FAT3: variants seen among roughly 807,000 people sequenced by gnomAD.
FAT3 encodes protocadherin Fat 3.
Under a neutral mutation model 310.2 loss-of-function variants are expected in FAT3, and 95 were observed. The observed-to-expected ratio is 0.31, with a 90% CI of 0.26 to 0.36. The LOEUF is 0.36. Ranked by LOEUF, FAT3 falls within the 10% of genes least tolerant of loss-of-function variation. FAT3 has a pLI of 1.00. For missense variants in FAT3, 5,408 were observed against 5,715.6 expected (o/e 0.95, Z 1.74); for synonymous variants, 2,314 against 2,192.9 (o/e 1.06, Z -1.54).
intron 2 of FAT3, among the ~76,000 whole-genome samples, chr11:92,500,215 T>A (rs1303649519): frequency 6.6e-6 from 1 of 152,018 alleles, no homozygotes; most frequent in East Asian, 1.9e-4. Flanking sequence ...TATTTTTCCC[T>A]TTAAGGATGA....
At chr11:92,565,545 GCAT>G (rs888963636) in intron 3 of FAT3, among the ~76,000 whole-genome samples, 6 of 151,034 alleles carry the variant, frequency 4.0e-5, no homozygotes, top group African/African-American at 1.5e-4. Context: ...TATGAGGCCA[GCAT>G]CATCCTGATA....
intron 3 of FAT3, among the ~76,000 whole-genome samples, chr11:92,622,802 T>C (rs1370552673): frequency 1.3e-5 from 2 of 152,208 alleles, no homozygotes; most frequent in Non-Finnish European, 2.9e-5. Flanking sequence ...TTAAAAAGAA[T>C]TTAAATCTTC....
chr11:92,622,476 A>G lies in FAT3; in HGVS notation c.3608-74908A>G, dbSNP rs189723514. The stretch of plus-strand genomic sequence containing the variant: ...ACTGTGTTTGTACAAGCAAATAGAG[A>G]GACAGAGGGTGAGATCATTGTTGAG... On this transcript the variant is annotated intron_variant, in intron 3 of 27. Transcript: ENST00000525166. Among the ~76,000 whole-genome samples the G allele has an allele frequency of 3.0e-4, 46 of 152,318 alleles. No homozygotes were observed. The East Asian group carries it at 6.4e-3, about 21-fold the overall frequency.
chr11:92,706,959 C>G (rs1433637098), intron 4 of FAT3, among the ~76,000 whole-genome samples: 1 of 152,164 alleles, frequency 6.6e-6, no homozygotes, highest in Non-Finnish European at 1.5e-5. Context: ...TTTGGGGTAC[C>G]TCAAGTTGTG....
chr11:92,375,217 T>A (rs1949308692), intron 2 of FAT3, among the ~76,000 whole-genome samples: 1 of 152,060 alleles, frequency 6.6e-6, no homozygotes, highest in South Asian at 2.1e-4. Context: ...TACAGCAGCC[T>A]CCAACTCCTG....
chr11:92,795,415 A>T (rs1279907472), intron 9 of FAT3, among the ~76,000 whole-genome samples: 1 of 152,080 alleles, frequency 6.6e-6, no homozygotes, highest in Non-Finnish European at 1.5e-5. Context: ...GAGGCCATAG[A>T]TTCCAAAAAA....
intron 3 of FAT3, among the ~76,000 whole-genome samples, chr11:92,603,812 G>C (rs747956897): frequency 5.3e-5 from 8 of 152,178 alleles, no homozygotes; most frequent in Non-Finnish European, 1.0e-4. Flanking sequence ...ACAACAACTT[G>C]TGCTTTTAAA....
At position 92,844,260 on chromosome 11, in the gene FAT3, T is replaced by A. The variant is rs759759654; in HGVS notation, c.10893T>A (p.Ile3631=). 6.2e-7 allele frequency: 1 copy of A among 1,613,976 alleles called. No individual in the cohort carries two copies. Among genetic ancestry groups the A allele is most frequent in the Admixed American group, 1.7e-5 (1 of 60,026 alleles). The change falls in exon 19 of 28, where the codon ATT becomes ATA. Residue 3631 remains isoleucine (I), a synonymous_variant. Coordinates refer to ENST00000525166, the MANE Select transcript of FAT3 (RefSeq NM_001367949.2). Reference sequence around the variant, plus strand: ...GTGATGGTCGCTTCCAGGTACCCATTGATGTGGTCGTGCATGTGGAGCAGT... The same window carrying A: ...GTGATGGTCGCTTCCAGGTACCCATAGATGTGGTCGTGCATGTGGAGCAGT... The part of the protein sequence containing the change: ...SVSDGRFQVP[I]DVVVHVEQLV...
chr11:92,753,773 GGTGTGT>G (rs145467493), intron 4 of FAT3, among the ~76,000 whole-genome samples: 3 of 128,232 alleles, frequency 2.3e-5, no homozygotes, highest in South Asian at 2.4e-4. Context: ...AAGAAACTGT[GGTGTGT>G]GTGTGTGTGT....
rs67328951 is a variant in FAT3 at position 92,331,003 on chromosome 11, T to TGAGA, written c.-17-21078_-17-21075dup. Among the ~76,000 whole-genome samples, 5 of 133,494 alleles carry TGAGA rather than the reference T, an allele frequency of 3.7e-5. 1 individual carries two copies. Among genetic ancestry groups the TGAGA allele is most frequent in the Admixed American group, 2.2e-4 (3 of 13,614 alleles). 87.6% of individuals were successfully genotyped at this position (133,494 alleles called of 152,430 possible). A position where few individuals can be genotyped will look rare whatever the true frequency, so the allele number is the denominator to read the frequency against. On this transcript the variant is annotated intron_variant, in intron 1 of 27. Transcript: ENST00000525166. ...GTGTGTGTGTGTGTGTGTGTGTGTGTGAGAGAGAGAGAGAGAGAAACATTT... is the reference window on the plus strand; with the variant it reads ...GTGTGTGTGTGTGTGTGTGTGTGTGTGAGAGAGAGAGAGAGAGAGAGAAACATTT...
chr11:92,336,141 T>A (rs544033524), intron 1 of FAT3: 13 of 542,760 alleles, frequency 2.4e-5, no homozygotes, highest in African/African-American at 2.3e-4. Flanking sequence ...AGCTCTGCAG[T>A]GGGCCCACTC....
intron 2 of FAT3, among the ~76,000 whole-genome samples, chr11:92,501,211 G>T (rs933951408): frequency 2.6e-5 from 4 of 152,118 alleles, no homozygotes; most frequent in Admixed American, 6.6e-5. Flanking sequence ...TCAGCTGGGG[G>T]TATTTCTCAT....
In FAT3 at chr11:92,716,030, G is replaced by A. The variant is rs193147601; in HGVS notation, c.3669+18585G>A. On this transcript the variant is annotated intron_variant, in intron 4 of 27. Transcript: ENST00000525166. ...TGAGCAGGATGGTGGCATGATCAAC[G>A]TCATATACAAAGACAGTTTATCTGG... Among the ~76,000 whole-genome samples the A allele has an allele frequency of 2.8e-4, 42 of 152,240 alleles. 1 individual carries two copies. The highest frequency in any genetic ancestry group is 9.2e-4 in the Admixed American group (14 of 15,280).
At chr11:92,604,470 T>TC (rs1401623702) in intron 3 of FAT3, among the ~76,000 whole-genome samples, 1 of 152,150 alleles carries the variant, frequency 6.6e-6, no homozygotes, top group African/African-American at 2.4e-5. Context: ...CCCTGGGTAG[T>TC]CTCCAGTCTC....
chr11:92,776,896 A>G (rs1236225245), intron 7 of FAT3, among the ~76,000 whole-genome samples: 1 of 152,100 alleles, frequency 6.6e-6, no homozygotes, highest in Non-Finnish European at 1.5e-5. Flanking sequence ...TTAGGGCCTG[A>G]CCACCTCACC....
At chr11:92,669,866 G>A (rs1277040674) in intron 3 of FAT3, among the ~76,000 whole-genome samples, 1 of 152,160 alleles carries the variant, frequency 6.6e-6, no homozygotes, top group African/African-American at 2.4e-5. Context: ...ATGAGAGCAT[G>A]GAAATTAATC....
At chr11:92,813,465 A>G (rs575257917) in intron 13 of FAT3, among the ~76,000 whole-genome samples, 1 of 152,230 alleles carries the variant, frequency 6.6e-6, no homozygotes, top group South Asian at 2.1e-4. Flanking sequence ...GTTTGCCTGT[A>G]TATATTTCTA....
At chr11:92,679,841 C>CAAAAAAAA (rs71064721) in intron 3 of FAT3, among the ~76,000 whole-genome samples, 22 of 57,240 alleles carry the variant, frequency 3.8e-4, no homozygotes, top group Non-Finnish European at 5.3e-4. Context: ...GACTCCATCT[C>CAAAAAAAA]AAAAAAAAAA....
At chr11:92,255,210 TC>T (rs1865269403) in intron 1 of FAT3, among the ~76,000 whole-genome samples, 1 of 152,058 alleles carries the variant, frequency 6.6e-6, no homozygotes, top group South Asian at 2.1e-4. Flanking sequence ...CTGTGCTGTG[TC>T]CCCTCACAGG....
Sources: gnomAD v4.1 joint callset for allele counts (sites outside exome capture counted in the v4.1 genomes callset) on GRCh38, gnomAD v4.1.1 for gene constraint, MANE v1.5 for transcripts, NCBI Gene and HGNC (gene_info 2026-07-23, HGNC 2026-07-21) for gene names.